TIPARP: variants seen among roughly 807,000 people sequenced by gnomAD.
TIPARP encodes TCDD inducible poly(ADP-ribose) polymerase, also known as protein mono-ADP-ribosyltransferase TIPARP.
In TIPARP, 12 loss-of-function variants were observed where a neutral mutation model predicts 56.5. That is an observed-to-expected ratio of 0.21 (90% CI 0.14 to 0.34). The LOEUF is 0.34. TIPARP is among the 10% of genes least tolerant of loss of function. The pLI is 1.00. For missense variants in TIPARP, 604 were observed against 781.6 expected, an observed-to-expected ratio of 0.77 and a Z score of 2.71; for synonymous variants, 296 against 265.7, an observed-to-expected ratio of 1.11 and a Z score of -1.11.
At chr3:156,696,131 C>T in intron 4 of TIPARP, 106 bp downstream of exon 4, 1 of 1,185,510 alleles carries the variant, frequency 8.4e-7, no homozygotes, top group Admixed American at 3.0e-5. Flanking sequence ...GTTAGTACTC[C>T]TAGAATGTGA....
At chr3:156,681,273 C>G in intron 2 of TIPARP, 1 of 446,918 alleles carries the variant, frequency 2.2e-6, no homozygotes, top group East Asian at 7.1e-5. Context: ...GTGCAGATTG[C>G]GCATAACCAG....
intron 2 of TIPARP, among the ~76,000 whole-genome samples, chr3:156,680,084 G>A (rs1019780156): frequency 1.3e-5 from 2 of 152,086 alleles, no homozygotes; most frequent in Admixed American, 6.5e-5. Flanking sequence ...TTTGCATCTT[G>A]TGTTTCAAAA....
intron 4 of TIPARP, among the ~76,000 whole-genome samples, chr3:156,699,098 A>G (rs995296585): frequency 7.9e-5 from 12 of 152,204 alleles, no homozygotes; most frequent in African/African-American, 2.7e-4. Context: ...TGGATGCATG[A>G]GGAGTTGCTT....
chr3:156,705,356 GA>G lies in TIPARP; in HGVS notation c.*229del. 2.4e-6 allele frequency: 1 copy of G among 419,114 alleles called. No homozygotes were observed. The highest frequency in any genetic ancestry group is 4.3e-6 in the Non-Finnish European group (1 of 234,790). The allele number at this position is 419,114 out of a possible 1,614,324, so 26.0% of individuals were successfully genotyped here. A position where few individuals can be genotyped will look rare whatever the true frequency, so the allele number is the denominator to read the frequency against. ...ACTAATTGCTAGTGTACTCAGTGTGGAAAAGACTACAGATTACACACTCTTT... is the reference window on the plus strand; with the variant it reads ...ACTAATTGCTAGTGTACTCAGTGTGGAAAGACTACAGATTACACACTCTTT... On this transcript the variant is annotated 3_prime_UTR_variant, in exon 6 of 6. Coordinates refer to ENST00000295924, the MANE Select transcript of TIPARP (RefSeq NM_015508.5).
intron 3 of TIPARP, among the ~76,000 whole-genome samples, chr3:156,694,769 T>C (rs888824901): frequency 1.3e-5 from 2 of 152,214 alleles, no homozygotes; most frequent in African/African-American, 4.8e-5. Flanking sequence ...TTTACTTTGC[T>C]TCTGAATGAC....
Position 156,704,874 on chromosome 3 carries a change from C to A in TIPARP, c.1717C>A (p.His573Asn). ...TTTTGCAAAGAAGGCAAGCTACTCT[C>A]ATAACTTTTCTAAGAAGTCCTCCAA... The part of the protein sequence containing the change: ...SYFAKKASYS[H>N]NFSKKSSKGV... The change falls in exon 6 of 6, where the codon CAT (histidine) becomes AAT (asparagine). Residue 573 changes from histidine to asparagine, a missense_variant. Physicochemically the swap from His to Asn is moderately conservative, Grantham distance 68. This residue lies in a region of TIPARP where 77 missense variants were observed against 161.0 expected (regional missense o/e 0.48). Transcript: ENST00000295924. The A allele has an allele frequency of 1.2e-6, 2 of 1,614,192 alleles. No individual in the cohort carries two copies. Among genetic ancestry groups the A allele is most frequent in the Non-Finnish European group, 1.7e-6 (2 of 1,180,034 alleles).
intron 1 of TIPARP, chr3:156,675,620 C>G (rs897984501): frequency 6.6e-6 from 1 of 152,234 alleles, no homozygotes; most frequent in Non-Finnish European, 1.5e-5. Flanking sequence ...CGGCCCGGGA[C>G]CAGGAGCTGA....
intron 5 of TIPARP, 93 bp downstream of exon 5, chr3:156,703,795 C>T (rs1280604509): frequency 1.5e-5 from 20 of 1,344,994 alleles, no homozygotes; most frequent in Middle Eastern, 2.7e-4. Flanking sequence ...GGGCAGATTA[C>T]GAGGTCAGGA....
intron 4 of TIPARP, among the ~76,000 whole-genome samples, chr3:156,698,355 A>G (rs932305231): frequency 5.3e-5 from 8 of 152,206 alleles, no homozygotes; most frequent in African/African-American, 1.9e-4. Context: ...AAACAAACTT[A>G]TATTAGAAGA....
chr3:156,682,456 A>G (rs1722332210), intron 2 of TIPARP, among the ~76,000 whole-genome samples: 1 of 152,194 alleles, frequency 6.6e-6, no homozygotes, highest in Non-Finnish European at 1.5e-5. Context: ...TGCCCTTAGA[A>G]GTCTATTTTT....
chr3:156,698,794 T>C (rs899826026), intron 4 of TIPARP, among the ~76,000 whole-genome samples: 1 of 152,214 alleles, frequency 6.6e-6, no homozygotes, highest in African/African-American at 2.4e-5. Context: ...AGGCTATAGC[T>C]GCCATACATA....
intron 2 of TIPARP, among the ~76,000 whole-genome samples, chr3:156,690,048 A>G (rs1254358273): frequency 6.6e-6 from 1 of 152,042 alleles, no homozygotes; most frequent in African/African-American, 2.4e-5. Flanking sequence ...GTACCAAATT[A>G]ATGTGTCTAC....
intron 4 of TIPARP, among the ~76,000 whole-genome samples, chr3:156,702,071 G>T (rs1316916807): frequency 3.4e-5 from 4 of 116,620 alleles, no homozygotes; most frequent in South Asian, 2.5e-4. Context: ...TGGTGGTGGT[G>T]GTTGTGGTGG....
Position 156,678,248 on chromosome 3 carries a change from A to G in TIPARP, c.551A>G (p.Tyr184Cys), listed in dbSNP as rs1182371185. 1.2e-6 allele frequency: 2 copies of G among 1,614,132 alleles called. No individual in the cohort carries two copies. The highest frequency in any genetic ancestry group is 3.3e-5 in the Admixed American group (2 of 60,034). The change falls in exon 2 of 6, where the codon TAT (tyrosine) becomes TGT (cysteine). Residue 184 changes from tyrosine (Y) to cysteine (C), a missense_variant. Tyr to Cys is a radical substitution (Grantham distance 194, BLOSUM62 -2). Coordinates refer to ENST00000295924, the MANE Select transcript of TIPARP (RefSeq NM_015508.5). ...SPDCLDKVIDYVPGIFQENSF... is the reference protein window; with the variant it reads ...SPDCLDKVIDCVPGIFQENSF... ...GACTGCTTAGACAAAGTCATAGATT[A>G]TGTTCCAGGCATTTTCCAAGAAAAC...
At chr3:156,701,576 C>T (rs2108498066) in intron 4 of TIPARP, among the ~76,000 whole-genome samples, 1 of 152,290 alleles carries the variant, frequency 6.6e-6, no homozygotes. Context: ...CCCGCCATTC[C>T]TCCAGATTAG....
At chr3:156,686,459 GTGA>G (rs1722430938) in intron 2 of TIPARP, among the ~76,000 whole-genome samples, 1 of 152,196 alleles carries the variant, frequency 6.6e-6, no homozygotes, top group South Asian at 2.1e-4. Context: ...AACTATCAGA[GTGA>G]TGAATTCTCT....
In TIPARP at chr3:156,678,061, C is replaced by A. The variant is rs1301783177; in HGVS notation, c.364C>A (p.Pro122Thr). 1.2e-6 allele frequency: 2 copies of A among 1,614,084 alleles called. No homozygotes were observed. The highest frequency in any genetic ancestry group is 1.7e-5 in the Admixed American group (1 of 60,024). Reference sequence around the variant, plus strand: ...TAGGACAAATGTTGGGGACCAGATACCGGAAGCCCATCCTTCCACTGAAGC... The same window carrying A: ...TAGGACAAATGTTGGGGACCAGATAACGGAAGCCCATCCTTCCACTGAAGC... ...PDRTNVGDQI[P>T]EAHPSTEAPE... Residue 122 changes from proline to threonine, a missense_variant, in exon 2 of 6, where the codon CCG becomes ACG. Physicochemically the swap from Pro to Thr is conservative, Grantham distance 38 (BLOSUM62 -1). Coordinates refer to ENST00000295924, the MANE Select transcript of TIPARP (RefSeq NM_015508.5).
intron 4 of TIPARP, among the ~76,000 whole-genome samples, chr3:156,700,220 G>A (rs1722815296): frequency 6.6e-6 from 1 of 151,940 alleles, no homozygotes; most frequent in Admixed American, 6.6e-5. Context: ...TGATCCTCCT[G>A]CTTTAGCCTC....
At chr3:156,700,282 C>CT (rs1014843738) in intron 4 of TIPARP, among the ~76,000 whole-genome samples, 8 of 150,504 alleles carry the variant, frequency 5.3e-5, no homozygotes, top group South Asian at 2.1e-4. Context: ...CTAATGTTTT[C>CT]TTTTTTTTTC....
Sources: gnomAD v4.1 joint callset for allele counts (sites outside exome capture counted in the v4.1 genomes callset) on GRCh38, gnomAD v4.1.1 for gene constraint, gnomAD v4.1.1 regional missense constraint, MANE v1.5 for transcripts, NCBI Gene and HGNC (gene_info 2026-07-23, HGNC 2026-07-21) for gene names.